The following KCNK12 variants were observed in gnomAD, a reference collection of about 807,000 sequenced individuals.
KCNK12 encodes the protein potassium two pore domain channel subfamily K member 12.
KCNK12 carries 6 observed loss-of-function variants against 25.3 expected under a neutral mutation model. The observed-to-expected ratio is 0.24, with a 90% CI of 0.13 to 0.47. The LOEUF is 0.47. KCNK12 is among the 20% of genes least tolerant of loss of function. KCNK12 has a pLI of 0.99. For synonymous variants in KCNK12, 331 were observed against 311.1 expected, an observed-to-expected ratio of 1.06 and a Z score of -0.67; for missense variants, 444 against 661.7, an observed-to-expected ratio of 0.67 and a Z score of 3.61.
In KCNK12 at chr2:47,510,674, C is replaced by T. The variant is rs1277744892; in HGVS notation, c.*10233G>A. 3 of 152,028 alleles carry T rather than the reference C, an allele frequency of 2.0e-5. No homozygotes were observed. Among genetic ancestry groups the T allele is most frequent in the East Asian group, 1.9e-4 (1 of 5,194 alleles). 9.4% of individuals were successfully genotyped at this position (152,028 alleles called of 1,614,324 possible). ...ACACAGCAGCACTGTGACCTGCCCA[C>T]GAGAAGAAGGATTTTTAGAACTTAT... On this transcript the variant is annotated 3_prime_UTR_variant, in exon 2 of 2. Coordinates refer to ENST00000327876, the MANE Select transcript of KCNK12 (RefSeq NM_022055.2).
Position 47,520,958 on chromosome 2 carries a change from G to A in KCNK12, c.1242C>T (p.Gly414=). 7.7e-7 allele frequency: 1 copy of A among 1,302,114 alleles called. No homozygotes were observed. The highest frequency in any genetic ancestry group is 9.8e-7 in the Non-Finnish European group (1 of 1,022,704). The allele number at this position is 1,302,114 out of a possible 1,614,324, so 80.7% of individuals were successfully genotyped here. ...TRQNGFSGGV[G]ALGIMNNRLA... is the part of the protein sequence containing the mutation. ...GCCGGTTGTTCATGATGCCCAGCGC[G>A]CCCACGCCGCCCGAGAAGCCGTTCT... The change falls in exon 2 of 2, where the codon GGC becomes GGT. Residue 414 remains glycine, a synonymous_variant. Transcript: ENST00000327876. This position sits in a 1 kb window ranked among gnomAD's most constrained non-coding sequence, Gnocchi z 5.0.
At chr2:47,522,702 T>G (rs781468108) in intron 1 of KCNK12, among the ~76,000 whole-genome samples, 6 of 152,222 alleles carry the variant, frequency 3.9e-5, no homozygotes, top group Admixed American at 6.5e-5. Flanking sequence ...TGCCAACATT[T>G]CATGCCTCTG....
At position 47,547,541 on chromosome 2, in the gene KCNK12, T is replaced by G. The variant is rs1325482525; in HGVS notation, c.391+22400A>C. Among the ~76,000 whole-genome samples the G allele has an allele frequency of 2.0e-5, 3 of 152,080 alleles. No homozygotes were observed. The highest frequency in any genetic ancestry group is 6.6e-5 in the Admixed American group (1 of 15,266). Reference sequence around the variant, plus strand: ...GCATCCTTGAATTCCTGGCCTCAAGTGATCCTCCCACCTCAGCTTCCAGAG... The same window carrying G: ...GCATCCTTGAATTCCTGGCCTCAAGGGATCCTCCCACCTCAGCTTCCAGAG... On this transcript the variant is annotated intron_variant, in intron 1 of 1. Transcript: ENST00000327876. This position sits in a 1 kb window ranked among gnomAD's most constrained non-coding sequence, Gnocchi z 5.0.
chr2:47,533,211 A>C lies in KCNK12; in HGVS notation c.392-11403T>G, dbSNP rs372616948. ...TTTTTAGTAGAGACGGGGTTTTACC[A>C]TGTTGGCCAGGCTGGTCTCCAACTC... On this transcript the variant is annotated intron_variant, in intron 1 of 1. Transcript: ENST00000327876. This position sits in a 1 kb window ranked among gnomAD's most constrained non-coding sequence, Gnocchi z 4.7. Among the ~76,000 whole-genome samples the C allele has an allele frequency of 2.5e-4, 33 of 129,460 alleles. No homozygotes were observed. In the South Asian group the frequency reaches 7.8e-3, roughly 31 times the overall value. 84.9% of individuals were successfully genotyped at this position (129,460 alleles called of 152,430 possible).
In KCNK12 at chr2:47,569,938, C is replaced by T. The variant is rs2104911003; in HGVS notation, c.391+3G>A. 1.4e-6 allele frequency: 2 copies of T among 1,391,178 alleles called. No homozygotes were observed. Among genetic ancestry groups the T allele is most frequent in the African/African-American group, 1.5e-5 (1 of 65,612 alleles). The allele number at this position is 1,391,178 out of a possible 1,614,324, so 86.2% of individuals were successfully genotyped here. A position where few individuals can be genotyped will look rare whatever the true frequency, so the allele number is the denominator to read the frequency against. Reference sequence around the variant, plus strand: ...AAAGATGCGCGGGGGACGCGCCGCTCACCTATGGTTGACACCACGGTGCCC... The same window carrying T: ...AAAGATGCGCGGGGGACGCGCCGCTTACCTATGGTTGACACCACGGTGCCC... On this transcript the variant is annotated splice_donor_region_variant and intron_variant, in intron 1 of 1. Coordinates refer to ENST00000327876, the MANE Select transcript of KCNK12 (RefSeq NM_022055.2). The surrounding 1 kb of genome is among the most constrained non-coding windows in gnomAD (Gnocchi z 4.1).
Position 47,569,692 on chromosome 2 carries a change from C to T in KCNK12, c.391+249G>A, listed in dbSNP as rs1480984518. On this transcript the variant is annotated intron_variant, in intron 1 of 1. Coordinates refer to ENST00000327876, the MANE Select transcript of KCNK12 (RefSeq NM_022055.2). The surrounding 1 kb of genome is among the most constrained non-coding windows in gnomAD (Gnocchi z 4.1). ...GCTCACAAAGGTCAGATCACAGAGCCGGCCAGTGTTGGAGCACAGGCGGCC... is the reference window on the plus strand; with the variant it reads ...GCTCACAAAGGTCAGATCACAGAGCTGGCCAGTGTTGGAGCACAGGCGGCC... Among the ~76,000 whole-genome samples, 1 of 152,136 alleles carries T rather than the reference C, an allele frequency of 6.6e-6. No homozygotes were observed.
Position 47,560,569 on chromosome 2 carries a change from C to T in KCNK12, c.391+9372G>A, listed in dbSNP as rs1669646871. Among the ~76,000 whole-genome samples, 1 of 152,176 alleles carries T rather than the reference C, an allele frequency of 6.6e-6. No individual in the cohort carries two copies. Among genetic ancestry groups the T allele is most frequent in the Non-Finnish European group, 1.5e-5 (1 of 68,032 alleles). Reference sequence around the variant, plus strand: ...GCAGAGATCTTGAGCAGTCAGGAGCCGTGGATCCTCTATTCTGCCATTGAC... The same window carrying T: ...GCAGAGATCTTGAGCAGTCAGGAGCTGTGGATCCTCTATTCTGCCATTGAC... On this transcript the variant is annotated intron_variant, in intron 1 of 1. Coordinates refer to ENST00000327876, the MANE Select transcript of KCNK12 (RefSeq NM_022055.2). The surrounding 1 kb of genome is among the most constrained non-coding windows in gnomAD (Gnocchi z 4.7).
chr2:47,511,915 T>A lies in KCNK12; in HGVS notation c.*8992A>T, dbSNP rs1198010029. Among the ~76,000 whole-genome samples the A allele has an allele frequency of 1.3e-5, 2 of 152,212 alleles. No individual in the cohort carries two copies. Among genetic ancestry groups the A allele is most frequent in the Admixed American group, 1.3e-4 (2 of 15,284 alleles). On this transcript the variant is annotated 3_prime_UTR_variant, in exon 2 of 2. Coordinates refer to ENST00000327876, the MANE Select transcript of KCNK12 (RefSeq NM_022055.2). The surrounding 1 kb of genome is among the most constrained non-coding windows in gnomAD (Gnocchi z 4.3). ...TGCAATTGACGAGCTGAAAATGTAG[T>A]TTAAATTCACTTACATTTAAATAGC...
chr2:47,558,100 C>G (rs1206928223), intron 1 of KCNK12, among the ~76,000 whole-genome samples: 1 of 152,240 alleles, frequency 6.6e-6, no homozygotes, highest in African/African-American at 2.4e-5. Context: ...AACGGCCATT[C>G]ATTCAAATTT....
chr2:47,539,932 C>T (rs569276862), intron 1 of KCNK12, among the ~76,000 whole-genome samples: 1 of 152,310 alleles, frequency 6.6e-6, no homozygotes, highest in Admixed American at 6.5e-5. Flanking sequence ...GGCTAAATCA[C>T]AAGCCCTGGA....
chr2:47,547,351 G>A lies in KCNK12; in HGVS notation c.391+22590C>T, dbSNP rs1356797544. Among the ~76,000 whole-genome samples the A allele has an allele frequency of 6.6e-6, 1 of 152,218 alleles. No homozygotes were observed. Among genetic ancestry groups the A allele is most frequent in the Non-Finnish European group, 1.5e-5 (1 of 68,044 alleles). On this transcript the variant is annotated intron_variant, in intron 1 of 1. Coordinates refer to ENST00000327876, the MANE Select transcript of KCNK12 (RefSeq NM_022055.2). The surrounding 1 kb of genome is among the most constrained non-coding windows in gnomAD (Gnocchi z 5.0). ...CACTTCCAGAGAGAATGATACAGTT[G>A]GTTAGGGCACAACCTGGGCATCAAG...
In KCNK12 at chr2:47,549,265, T is replaced by A. The variant is rs572933645; in HGVS notation, c.391+20676A>T. Among the ~76,000 whole-genome samples the A allele has an allele frequency of 1.6e-3, 245 of 152,266 alleles. 1 individual carries two copies. Among genetic ancestry groups the A allele is most frequent in the African/African-American group, 5.6e-3 (232 of 41,552 alleles). ...GCTCATCTAGTCCCAGAGAAAAGAC[T>A]CCTTTAGACCTGCCTTTAAAAAGCT... On this transcript the variant is annotated intron_variant, in intron 1 of 1. Transcript: ENST00000327876.
At chr2:47,532,326 A>G (rs1202322338) in intron 1 of KCNK12, among the ~76,000 whole-genome samples, 1 of 151,544 alleles carries the variant, frequency 6.6e-6, no homozygotes, top group African/African-American at 2.4e-5. Context: ...GCCTCAATAA[A>G]TCTGTGCTTT....
At chr2:47,526,322 C>T (rs1444657665) in intron 1 of KCNK12, among the ~76,000 whole-genome samples, 2 of 149,846 alleles carry the variant, frequency 1.3e-5, no homozygotes, top group Admixed American at 6.7e-5. Context: ...AGGAGAATGC[C>T]GTGAACCCAG....
At chr2:47,537,028 A>G (rs1669086454) in intron 1 of KCNK12, among the ~76,000 whole-genome samples, 1 of 152,206 alleles carries the variant, frequency 6.6e-6, no homozygotes, top group Non-Finnish European at 1.5e-5. Context: ...CATCTTGGTC[A>G]TAAGGCGGCC....
At chr2:47,559,782 T>C (rs1669626133) in intron 1 of KCNK12, among the ~76,000 whole-genome samples, 1 of 152,204 alleles carries the variant, frequency 6.6e-6, no homozygotes, top group African/African-American at 2.4e-5. Context: ...GGCACAGGTC[T>C]GAGGGCAGTA....
In KCNK12 at chr2:47,556,351, G is replaced by C. The variant is rs1652070767; in HGVS notation, c.391+13590C>G. 6.6e-6 allele frequency among the ~76,000 whole-genome samples: 1 copy of C among 152,154 alleles called. No homozygotes were observed. The highest frequency in any genetic ancestry group is 2.1e-4 in the South Asian group (1 of 4,818). ...GCTCCACATGGTGGGTGGATTTAGG[G>C]GTGTGAAGATTACTTCTGATTACTT... On this transcript the variant is annotated intron_variant, in intron 1 of 1. Transcript: ENST00000327876. This position sits in a 1 kb window ranked among gnomAD's most constrained non-coding sequence, Gnocchi z 4.8.
Position 47,516,799 on chromosome 2 carries a change from G to A in KCNK12, c.*4108C>T, listed in dbSNP as rs1668534517. 1 of 152,242 alleles carries A rather than the reference G, an allele frequency of 6.6e-6. No homozygotes were observed. The highest frequency in any genetic ancestry group is 2.4e-5 in the African/African-American group (1 of 41,420). 9.4% of individuals were successfully genotyped at this position (152,242 alleles called of 1,614,324 possible). On this transcript the variant is annotated 3_prime_UTR_variant, in exon 2 of 2. Transcript: ENST00000327876. Reference sequence around the variant, plus strand: ...GAAGGGGAAGAGGGTTTGGGGCCAGGTCCGAGTGCAGAAATCCTCAATGCA... The same window carrying A: ...GAAGGGGAAGAGGGTTTGGGGCCAGATCCGAGTGCAGAAATCCTCAATGCA...
chr2:47,514,937 G>C lies in KCNK12; in HGVS notation c.*5970C>G, dbSNP rs886614201. Among the ~76,000 whole-genome samples, 1 of 152,148 alleles carries C rather than the reference G, an allele frequency of 6.6e-6. No homozygotes were observed. The highest frequency in any genetic ancestry group is 1.5e-5 in the Non-Finnish European group (1 of 68,028). On this transcript the variant is annotated 3_prime_UTR_variant, in exon 2 of 2. Coordinates refer to ENST00000327876, the MANE Select transcript of KCNK12 (RefSeq NM_022055.2). This position sits in a 1 kb window ranked among gnomAD's most constrained non-coding sequence, Gnocchi z 5.0. ...AAAAGTTCCTTTTTAAAATCTGCTTGTTAGATACACTCATAGAAAGGTAAC... is the reference window on the plus strand; with the variant it reads ...AAAAGTTCCTTTTTAAAATCTGCTTCTTAGATACACTCATAGAAAGGTAAC...
Sources: gnomAD v4.1 joint callset for allele counts (sites outside exome capture counted in the v4.1 genomes callset) on GRCh38, gnomAD v4.1.1 for gene constraint, Gnocchi (gnomAD v3.1) non-coding constraint, MANE v1.5 for transcripts, NCBI Gene and HGNC (gene_info 2026-07-23, HGNC 2026-07-21) for gene names.